Variants in MME observed in about 807,000 individuals in gnomAD.
MME encodes the protein membrane metalloendopeptidase.
A neutral mutation model predicts 113.2 loss-of-function variants in MME; 98 were observed. That is an observed-to-expected ratio of 0.87 (90% CI 0.74 to 1.02). The LOEUF is 1.02. Ranked by LOEUF, MME falls within the 50% of genes least tolerant of loss-of-function variation. The pLI is 0.00. For missense variants in MME, 836 were observed against 896.0 expected (o/e 0.93, Z 0.86); for synonymous variants, 292 against 300.6 (o/e 0.97, Z 0.30).
At chr3:155,051,684 C>T (rs909805790) in intron 1 of MME, among the ~76,000 whole-genome samples, 2 of 152,144 alleles carry the variant, frequency 1.3e-5, no homozygotes, top group Non-Finnish European at 2.9e-5. Flanking sequence ...TCCCATGACA[C>T]ATGGGTATTA....
Position 155,138,246 on chromosome 3 carries a change from A to ATT in MME, c.855+18_855+19dup. 6.2e-7 allele frequency: 1 copy of ATT among 1,602,452 alleles called. No individual in the cohort carries two copies. Among genetic ancestry groups the ATT allele is most frequent in the Non-Finnish European group, 8.5e-7 (1 of 1,171,546 alleles). ...AAAAGAAATTGCCAATGTAAAACAC[A>ATT]TTTTTTTTTCTGATACACTGAATAA... On this transcript the variant is annotated intron_variant, in intron 9 of 22. Transcript: ENST00000360490.
intron 20 of MME, among the ~76,000 whole-genome samples, chr3:155,169,772 C>T (rs894543210): frequency 6.6e-6 from 1 of 152,038 alleles, no homozygotes; most frequent in African/African-American, 2.4e-5. Flanking sequence ...GATGTAGAAT[C>T]ATTTGTTCAT....
chr3:155,036,559 A>G (rs765832395), intron 1 of MME, among the ~76,000 whole-genome samples: 14 of 152,100 alleles, frequency 9.2e-5, no homozygotes, highest in Non-Finnish European at 1.9e-4. Flanking sequence ...TCTTTCACTC[A>G]GAGTAATATT....
chr3:155,046,409 C>G (rs532487776), intron 1 of MME, among the ~76,000 whole-genome samples: 1 of 152,094 alleles, frequency 6.6e-6, no homozygotes, highest in Admixed American at 6.6e-5. Flanking sequence ...CATTGCTGGC[C>G]GGGAGTGATG....
At chr3:155,073,584 GA>G (rs1218290268) in intron 1 of MME, among the ~76,000 whole-genome samples, 2 of 151,586 alleles carry the variant, frequency 1.3e-5, no homozygotes, top group African/African-American at 2.4e-5. Context: ...GCCAGAAGAG[GA>G]AAAAAAAGTG....
At chr3:155,104,902 G>A (rs1177413021) in intron 3 of MME, among the ~76,000 whole-genome samples, 1 of 152,154 alleles carries the variant, frequency 6.6e-6, no homozygotes, top group East Asian at 1.9e-4. Context: ...CTTTTTGCCA[G>A]CAGAGTCTTT....
intron 16 of MME, among the ~76,000 whole-genome samples, chr3:155,156,555 A>T (rs1175901146): frequency 6.6e-6 from 1 of 152,162 alleles, no homozygotes; most frequent in African/African-American, 2.4e-5. Context: ...GTGTATTAGG[A>T]AAGAGATTAA....
At chr3:155,094,143 A>G (rs1254402563) in intron 3 of MME, among the ~76,000 whole-genome samples, 1 of 152,224 alleles carries the variant, frequency 6.6e-6, no homozygotes. Flanking sequence ...CTTTATTTCA[A>G]AGAGATGCAA....
At chr3:155,028,947 C>T (rs1712879613) in intron 1 of MME, among the ~76,000 whole-genome samples, 1 of 152,044 alleles carries the variant, frequency 6.6e-6, no homozygotes. Context: ...CATATCAAAA[C>T]AGAATCACAG....
chr3:155,158,948 C>T (rs1421703702), intron 16 of MME: 2 of 151,908 alleles, frequency 1.3e-5, no homozygotes, highest in Non-Finnish European at 2.9e-5. Flanking sequence ...ACATGTTGAT[C>T]AATCATTCTT....
intron 6 of MME, 42 bp downstream of exon 6, chr3:155,116,801 A>G (rs779095871): frequency 3.2e-6 from 5 of 1,576,406 alleles, no homozygotes; most frequent in Middle Eastern, 1.7e-4. Flanking sequence ...TCCATGTAAA[A>G]TCTATGTTAT....
intron 1 of MME, among the ~76,000 whole-genome samples, chr3:155,051,976 T>C (rs1713778931): frequency 6.6e-6 from 1 of 152,208 alleles, no homozygotes; most frequent in African/African-American, 2.4e-5. Context: ...AATACACCTG[T>C]TCCAAATAAG....
At chr3:155,055,725 A>G (rs765362812) in intron 1 of MME, among the ~76,000 whole-genome samples, 4 of 152,228 alleles carry the variant, frequency 2.6e-5, no homozygotes, top group Non-Finnish European at 5.9e-5. Context: ...ACTAGAAAGG[A>G]GCCCAAAGAG....
intron 1 of MME, among the ~76,000 whole-genome samples, chr3:155,072,780 G>T (rs1274219608): frequency 6.6e-6 from 1 of 152,134 alleles, no homozygotes; most frequent in Non-Finnish European, 1.5e-5. Context: ...GCACCTAAAG[G>T]TAAATTTGTT....
intron 1 of MME, among the ~76,000 whole-genome samples, chr3:155,043,353 C>T (rs1303108193): frequency 4.7e-5 from 7 of 147,598 alleles, no homozygotes; most frequent in African/African-American, 1.5e-4. Context: ...TTTTTTGAGA[C>T]GGAGTTTCTC....
At chr3:155,106,040 T>C (rs1353517489) in intron 3 of MME, among the ~76,000 whole-genome samples, 2 of 152,224 alleles carry the variant, frequency 1.3e-5, no homozygotes, top group Admixed American at 6.5e-5. Context: ...GATAAATTAG[T>C]CACATGTATA....
chr3:155,130,128 T>C (rs1460216333), intron 8 of MME, among the ~76,000 whole-genome samples: 2 of 152,168 alleles, frequency 1.3e-5, no homozygotes, highest in African/African-American at 4.8e-5. Flanking sequence ...TTGAGCATAA[T>C]TACATAATAG....
intron 1 of MME, among the ~76,000 whole-genome samples, chr3:155,068,905 T>C (rs995894512): frequency 9.9e-5 from 15 of 152,136 alleles, no homozygotes; most frequent in African/African-American, 3.6e-4. Context: ...AAATAAAGTG[T>C]AGGGAAAAAG....
At chr3:155,140,410 C>CTTTTTTTTT (rs35653282) in intron 10 of MME, 118 bp downstream of exon 10, 5 of 288,888 alleles carry the variant, frequency 1.7e-5, no homozygotes, top group African/African-American at 8.1e-5. Flanking sequence ...ACTTCAATTC[C>CTTTTTTTTT]TTTTTTTTTT....
Sources: gnomAD v4.1 joint callset for allele counts (sites outside exome capture counted in the v4.1 genomes callset) on GRCh38, gnomAD v4.1.1 for gene constraint, MANE v1.5 for transcripts, NCBI Gene and HGNC (gene_info 2026-07-23, HGNC 2026-07-21) for gene names.